Variants in CCDC90B observed in about 807,000 individuals in gnomAD.
CCDC90B encodes the protein coiled-coil domain containing 90B, also known as coiled-coil domain-containing protein 90B, mitochondrial.
In CCDC90B, 24 loss-of-function variants were observed where a neutral mutation model predicts 37.0. That is an observed-to-expected ratio of 0.65 (90% CI 0.47 to 0.91). The LOEUF is 0.91. CCDC90B is among the 40% of genes least tolerant of loss of function. The probability of loss-of-function intolerance (pLI) is 0.00; values close to 1 mark genes in which losing one functional copy is unlikely to be tolerated. For missense variants in CCDC90B, 319 were observed against 299.0 expected, an observed-to-expected ratio of 1.07 and a Z score of -0.49; for synonymous variants, 113 against 101.1, an observed-to-expected ratio of 1.12 and a Z score of -0.71.
intron 3 of CCDC90B, among the ~76,000 whole-genome samples, chr11:83,277,280 T>C (rs1865092610): frequency 1.3e-5 from 2 of 152,218 alleles, no homozygotes; most frequent in Non-Finnish European, 2.9e-5. Context: ...AGTAGCTCCA[T>C]ATAGCTCTTT....
At chr11:83,262,055 C>A in intron 8 of CCDC90B, 89 bp from the exon 9 acceptor site, 3 of 867,578 alleles carry the variant, frequency 3.5e-6, no homozygotes, top group Non-Finnish European at 5.3e-6. Flanking sequence ...AAGTGAAGAG[C>A]AAAAAACAGG....
At chr11:83,264,699 G>A (rs1472583655) in intron 8 of CCDC90B, among the ~76,000 whole-genome samples, 1 of 151,842 alleles carries the variant, frequency 6.6e-6, no homozygotes, top group Non-Finnish European at 1.5e-5. Flanking sequence ...ATCTTTGTTG[G>A]AACCAACCCA....
intron 3 of CCDC90B, among the ~76,000 whole-genome samples, chr11:83,275,735 G>A (rs1180226348): frequency 2.6e-5 from 4 of 152,154 alleles, no homozygotes; most frequent in Admixed American, 1.3e-4. Context: ...AAGAGTGTGA[G>A]TTCTGGAGTC....
intron 7 of CCDC90B, among the ~76,000 whole-genome samples, chr11:83,271,238 CA>C (rs1343803475): frequency 6.6e-6 from 1 of 152,028 alleles, no homozygotes; most frequent in African/African-American, 2.4e-5. Context: ...ACTAAAACAC[CA>C]AAAGCAATGG....
At chr11:83,281,190 CTT>C (rs1565220083) in intron 1 of CCDC90B, among the ~76,000 whole-genome samples, 1 of 152,172 alleles carries the variant, frequency 6.6e-6, no homozygotes, top group Non-Finnish European at 1.5e-5. Flanking sequence ...TCTTATGTAT[CTT>C]AAGTCACTTA....
rs764215807 is a variant in CCDC90B at position 83,260,207 on chromosome 11, A to G, written c.*1704T>C. On this transcript the variant is annotated 3_prime_UTR_variant, in exon 9 of 9. Coordinates refer to ENST00000529689, the MANE Select transcript of CCDC90B (RefSeq NM_021825.5). ...GAATATTTTAAATCTTAACAAACCA[A>G]TAATTTACTTGTTTATGTCTCTCTC... is the stretch of plus-strand genomic sequence containing the variant. The G allele has an allele frequency of 1.3e-5, 2 of 152,316 alleles. No homozygotes were observed. Among genetic ancestry groups the G allele is most frequent in the East Asian group, 1.9e-4 (1 of 5,180 alleles). The allele number at this position is 152,316 out of a possible 1,614,324, so 9.4% of individuals were successfully genotyped here.
chr11:83,285,959 T>A lies in CCDC90B; in HGVS notation c.14A>T (p.Gln5Leu). MNSR[Q>L]AWRLFLSQGR... ...TTGGGAGAGAAAGAGCCGCCAAGCCTGGCGACTATTCATGTCCTCAGAGTT... is the reference window on the plus strand; with the variant it reads ...TTGGGAGAGAAAGAGCCGCCAAGCCAGGCGACTATTCATGTCCTCAGAGTT... Residue 5 changes from glutamine to leucine, a missense_variant, in exon 1 of 9, where the codon CAG (glutamine) becomes CTG (leucine). Coordinates refer to ENST00000529689, the MANE Select transcript of CCDC90B (RefSeq NM_021825.5). 6.2e-7 allele frequency: 1 copy of A among 1,611,766 alleles called. No individual in the cohort carries two copies. The highest frequency in any genetic ancestry group is 8.5e-7 in the Non-Finnish European group (1 of 1,179,012).
chr11:83,280,174 T>C lies in CCDC90B; in HGVS notation c.187A>G (p.Thr63Ala), dbSNP rs767845923. 17 of 1,612,696 alleles carry C rather than the reference T, an allele frequency of 1.1e-5. No individual in the cohort carries two copies. The African/African-American group carries it at 1.9e-4, about 18-fold the overall frequency. Reference sequence around the variant, plus strand: ...TCCAAGTCCTGAACCAATGCATGGGTATCAAAAGTTAATTTCCTTTGTTCT... The same window carrying C: ...TCCAAGTCCTGAACCAATGCATGGGCATCAAAAGTTAATTTCCTTTGTTCT... ...PLEQRKLTFD[T>A]HALVQDLETH... The change falls in exon 2 of 9, where the codon ACC becomes GCC. Residue 63 changes from threonine to alanine, a missense_variant. Physicochemically the swap from Thr to Ala is moderately conservative, Grantham distance 58. Coordinates refer to ENST00000529689, the MANE Select transcript of CCDC90B (RefSeq NM_021825.5).
chr11:83,265,226 TGAG>T (rs1864181692), intron 8 of CCDC90B, among the ~76,000 whole-genome samples: 1 of 152,194 alleles, frequency 6.6e-6, no homozygotes, highest in Non-Finnish European at 1.5e-5. Flanking sequence ...AGATGGTACT[TGAG>T]GAGCTCAGTA....
chr11:83,281,072 T>C (rs1435185703), intron 1 of CCDC90B, among the ~76,000 whole-genome samples: 1 of 152,164 alleles, frequency 6.6e-6, no homozygotes, highest in Non-Finnish European at 1.5e-5. Flanking sequence ...GCCCTGCCCA[T>C]AAACAACTTT....
At chr11:83,271,773 C>T (rs548775362) in intron 7 of CCDC90B, among the ~76,000 whole-genome samples, 5 of 152,210 alleles carry the variant, frequency 3.3e-5, no homozygotes, top group East Asian at 1.9e-4. Context: ...GGGTATATAC[C>T]GAAAGGGTTA....
intron 3 of CCDC90B, among the ~76,000 whole-genome samples, chr11:83,277,905 A>C (rs1865142148): frequency 6.6e-6 from 1 of 152,202 alleles, no homozygotes; most frequent in Non-Finnish European, 1.5e-5. Context: ...GTGCTGTAAA[A>C]TACTTATCTG....
chr11:83,276,639 C>T (rs1333623614), intron 3 of CCDC90B, among the ~76,000 whole-genome samples: 1 of 152,200 alleles, frequency 6.6e-6, no homozygotes, highest in South Asian at 2.1e-4. Context: ...CGTGAGCCAC[C>T]ACACCAGCCT....
intron 1 of CCDC90B, among the ~76,000 whole-genome samples, chr11:83,281,210 T>C (rs1308438355): frequency 1.3e-5 from 2 of 152,214 alleles, no homozygotes; most frequent in Non-Finnish European, 2.9e-5. Flanking sequence ...TTAAAATATC[T>C]AGATATTTAA....
chr11:83,265,789 G>T, intron 8 of CCDC90B, 76 bp downstream of exon 8: 5 of 872,748 alleles, frequency 5.7e-6, no homozygotes, highest in Admixed American at 4.3e-5. Context: ...TTTTTCCTGT[G>T]CCTGCTCAGT....
intron 8 of CCDC90B, among the ~76,000 whole-genome samples, chr11:83,264,618 C>T (rs551285): frequency 0.28 from 42,017 of 151,902 alleles, 6,356 homozygotes; most frequent in Non-Finnish European, 0.34. Flanking sequence ...TCTCTGGCTG[C>T]CCTTAACATT....
At chr11:83,269,182 C>A (rs1204684918) in intron 7 of CCDC90B, among the ~76,000 whole-genome samples, 2 of 152,104 alleles carry the variant, frequency 1.3e-5, no homozygotes, top group South Asian at 4.2e-4. Flanking sequence ...AAAATCGACA[C>A]CCTAACATCA....
intron 7 of CCDC90B, among the ~76,000 whole-genome samples, chr11:83,267,976 A>C (rs933665879): frequency 2.7e-4 from 41 of 152,186 alleles, no homozygotes; most frequent in African/African-American, 9.4e-4. Flanking sequence ...TAGAATTTTC[A>C]ACCCAGAATT....
At chr11:83,263,673 G>A (rs923678238) in intron 8 of CCDC90B, among the ~76,000 whole-genome samples, 2 of 152,182 alleles carry the variant, frequency 1.3e-5, no homozygotes, top group Admixed American at 1.3e-4. Flanking sequence ...CCTTTCTGAG[G>A]ATTTTAAAAA....
Sources: gnomAD v4.1 joint callset for allele counts (sites outside exome capture counted in the v4.1 genomes callset) on GRCh38, gnomAD v4.1.1 for gene constraint, MANE v1.5 for transcripts, NCBI Gene and HGNC (gene_info 2026-07-23, HGNC 2026-07-21) for gene names.